Variants in CLCA2 observed in about 807,000 individuals in gnomAD.
CLCA2 encodes the protein calcium-activated chloride channel regulator 2.
CLCA2 carries 85 observed loss-of-function variants against 82.9 expected under a neutral mutation model. The ratio of observed to expected loss-of-function variants is 1.03; its 90% CI spans 0.86 to 1.23. The LOEUF is 1.23. Among genes scored for constraint, CLCA2 ranks in the 50% most tolerant of loss-of-function variants. The pLI is 0.00. For missense variants in CLCA2, 1,089 were observed against 1,124.8 expected (o/e 0.97, Z 0.45); for synonymous variants, 421 against 391.7 (o/e 1.07, Z -0.88).
intron 10 of CLCA2, 61 bp from the exon 11 acceptor site, chr1:86,447,447 C>T: frequency 6.5e-7 from 1 of 1,548,072 alleles, no homozygotes; most frequent in South Asian, 1.2e-5. Flanking sequence ...TTGATGTATG[C>T]TTTAAAATTA....
rs147947036 is a variant in CLCA2, at chr1:86,430,908, C to T, written c.522C>T (p.Phe174=). Residue 174 remains phenylalanine, a synonymous_variant, in exon 4 of 14, where the codon TTC becomes TTT. Transcript: ENST00000370565. The part of the protein sequence containing the change: ...HEWAHLRWGV[F]DEYNNDKPFY... ...GGGCCCACCTCCGTTGGGGTGTGTT[C>T]GATGAGTATAACAATGACAAACCTT... 1.2e-4 allele frequency: 189 copies of T among 1,613,492 alleles called. 1 individual carries two copies. The African/African-American group carries it at 1.8e-3, about 16-fold the overall frequency.
chr1:86,431,241 C>A (rs1662492414), intron 4 of CLCA2, among the ~76,000 whole-genome samples: 1 of 152,224 alleles, frequency 6.6e-6, no homozygotes, highest in South Asian at 2.1e-4. Flanking sequence ...TGTTTCCCCT[C>A]ATGCCCTCTA....
At chr1:86,452,409 C>T (rs1477944290) in intron 12 of CLCA2, among the ~76,000 whole-genome samples, 1 of 152,100 alleles carries the variant, frequency 6.6e-6, no homozygotes, top group Non-Finnish European at 1.5e-5. Context: ...ATTCATTCTA[C>T]ACCAAGCAGC....
At chr1:86,434,216 G>A (rs1294649050) in intron 5 of CLCA2, among the ~76,000 whole-genome samples, 2 of 151,810 alleles carry the variant, frequency 1.3e-5, no homozygotes, top group Non-Finnish European at 2.9e-5. Context: ...AGATTGTTTT[G>A]TTTTGTTTTT....
At chr1:86,448,587 C>A (rs1472727340) in intron 11 of CLCA2, 1 of 151,956 alleles carries the variant, frequency 6.6e-6, no homozygotes, top group African/African-American at 2.4e-5. Context: ...CTCTTGGCAG[C>A]CCGAAGTGTT....
chr1:86,454,228 A>G (rs1663028529), intron 13 of CLCA2, among the ~76,000 whole-genome samples: 1 of 152,054 alleles, frequency 6.6e-6, no homozygotes, highest in African/African-American at 2.4e-5. Flanking sequence ...CAGAAATTGT[A>G]TTTTTCCCCC....
In CLCA2 at chr1:86,428,565, C is replaced by T. The variant is rs771247332; in HGVS notation, c.472C>T (p.Arg158Ter). The T allele has an allele frequency of 8.7e-6, 14 of 1,612,602 alleles. No individual in the cohort carries two copies. The highest frequency in any genetic ancestry group is 4.0e-5 in the African/African-American group (3 of 74,962). The change falls in exon 3 of 14, where the codon CGA becomes TGA. Residue 158 changes from arginine to a stop codon, truncating the protein, a stop_gained. Coordinates refer to ENST00000370565, the MANE Select transcript of CLCA2 (RefSeq NM_006536.7). LOFTEE classifies it high-confidence loss of function. ...TAACTTAACAGCTGGCTACGGATCA[C>T]GAGGTAAGTGGGACCAATAAAACAA... ...NDNLTAGYGS[R>*]GRVFVHEWAH...
At position 86,453,599 on chromosome 1, in the gene CLCA2, C is replaced by A; in HGVS notation, c.2386C>A (p.Gln796Lys). ...ACCTGGAGAAGACTTTGATCAGGGC[C>A]AGGGTAGGTTTGCTCATTTCATTAC... ...TAPGEDFDQG[Q>K]ATSYEIRMSK... The change falls in exon 13 of 14, where the codon CAG becomes AAG. Residue 796 changes from glutamine (Q) to lysine (K), a missense_variant. Transcript: ENST00000370565. The A allele has an allele frequency of 6.2e-7, 1 of 1,613,206 alleles. No homozygotes were observed. The highest frequency in any genetic ancestry group is 8.5e-7 in the Non-Finnish European group (1 of 1,179,522).
At chr1:86,450,802 T>C (rs1224459358) in intron 12 of CLCA2, 69 bp downstream of exon 12, 8 of 1,330,474 alleles carry the variant, frequency 6.0e-6, no homozygotes, top group Non-Finnish European at 8.0e-6. Context: ...GGTATGTGTG[T>C]ACTGGGGTGG....
At chr1:86,431,492 G>T (rs78473412) in intron 4 of CLCA2, among the ~76,000 whole-genome samples, 1 of 152,038 alleles carries the variant, frequency 6.6e-6, no homozygotes, top group East Asian at 1.9e-4. Context: ...TTTCTCATAC[G>T]TGCAGACAGA....
rs1662521910 is a variant in CLCA2, at chr1:86,432,502, A to G, written c.718A>G (p.Ile240Val). 1.9e-6 allele frequency: 3 copies of G among 1,613,836 alleles called. No homozygotes were observed. Among genetic ancestry groups the G allele is most frequent in the African/African-American group, 1.3e-5 (1 of 74,918 alleles). The change falls in exon 5 of 14, where the codon ATA becomes GTA. Residue 240 changes from isoleucine to valine, a missense_variant. Physicochemically the swap from Ile to Val is conservative, Grantham distance 29 (BLOSUM62 3). Coordinates refer to ENST00000370565, the MANE Select transcript of CLCA2 (RefSeq NM_006536.7). The part of the protein sequence containing the change: ...YNSTQNATAS[I>V]MFMQSLSSVV... ...TAGCACCCAAAATGCAACTGCATCAATAATGTTCATGCAAAGTTTATCTTC... is the reference window on the plus strand; with the variant it reads ...TAGCACCCAAAATGCAACTGCATCAGTAATGTTCATGCAAAGTTTATCTTC...
At chr1:86,439,186 G>T in intron 7 of CLCA2, 80 bp downstream of exon 7, 1 of 1,327,452 alleles carries the variant, frequency 7.5e-7, no homozygotes, top group South Asian at 1.3e-5. Flanking sequence ...CTCTGATGAT[G>T]GGCAGTTTGT....
chr1:86,454,230 T>G (rs114105812), intron 13 of CLCA2, among the ~76,000 whole-genome samples: 110 of 152,292 alleles, frequency 7.2e-4, no homozygotes, highest in African/African-American at 2.6e-3. Flanking sequence ...GAAATTGTAT[T>G]TTTCCCCCAT....
At position 86,441,998 on chromosome 1, in the gene CLCA2, C is replaced by T. The variant is rs1236061862; in HGVS notation, c.1488+455C>T. ...AATATCTAAATATCTCTTTGACTAC[C>T]ACAACTTACATGATTTTGCTCACCA... On this transcript the variant is annotated intron_variant, in intron 9 of 13. Coordinates refer to ENST00000370565, the MANE Select transcript of CLCA2 (RefSeq NM_006536.7). Among the ~76,000 whole-genome samples, 3 of 152,308 alleles carry T rather than the reference C, an allele frequency of 2.0e-5. No individual in the cohort carries two copies. In the South Asian group the frequency reaches 6.2e-4, roughly 32 times the overall value.
At position 86,438,957 on chromosome 1, in the gene CLCA2, G is replaced by A. The variant is rs757207185; in HGVS notation, c.1054G>A (p.Ala352Thr). 1.8e-5 allele frequency: 29 copies of A among 1,613,958 alleles called. No homozygotes were observed. The highest frequency in any genetic ancestry group is 2.3e-5 in the Non-Finnish European group (27 of 1,179,996). Residue 352 changes from alanine to threonine, a missense_variant, in exon 7 of 14, where the codon GCC (alanine) becomes ACC (threonine). Ala to Thr is a moderately conservative substitution (Grantham distance 58). Transcript: ENST00000370565. Reference protein sequence around the residue: ...IVEIHTFVGIASFDSKGEIRA... With the variant: ...IVEIHTFVGITSFDSKGEIRA... ...TGAAATTCATACCTTCGTGGGCATTGCCAGTTTCGACAGCAAAGGAGAGAT... is the reference window on the plus strand; with the variant it reads ...TGAAATTCATACCTTCGTGGGCATTACCAGTTTCGACAGCAAAGGAGAGAT...
At chr1:86,427,861 T>C (rs1055279030) in intron 2 of CLCA2, among the ~76,000 whole-genome samples, 2 of 152,148 alleles carry the variant, frequency 1.3e-5, no homozygotes, top group Admixed American at 6.6e-5. Flanking sequence ...TATAACTTCA[T>C]TGGAATGATC....
chr1:86,454,888 CA>C (rs71078660), intron 13 of CLCA2, among the ~76,000 whole-genome samples, 196 bp from the exon 14 acceptor site: 29,061 of 141,846 alleles, frequency 0.2, 3,029 homozygotes, highest in African/African-American at 0.28. Flanking sequence ...TCTTGCTTTT[CA>C]AAAAAAAAAA....
At position 86,438,983 on chromosome 1, in the gene CLCA2, C is replaced by T. The variant is rs771382968; in HGVS notation, c.1080C>T (p.Ile360=). 2.6e-4 allele frequency: 418 copies of T among 1,613,984 alleles called. 5 individuals carry two copies. The highest frequency in any genetic ancestry group is 5.4e-5 in the Non-Finnish European group (64 of 1,180,004). ...GIASFDSKGE[I]RAQLHQINSN... is the part of the protein sequence containing the mutation. ...CCAGTTTCGACAGCAAAGGAGAGAT[C>T]AGAGCCCAGCTACACCAAATTAACA... Residue 360 remains isoleucine, a synonymous_variant, in exon 7 of 14, where the codon ATC becomes ATT. Coordinates refer to ENST00000370565, the MANE Select transcript of CLCA2 (RefSeq NM_006536.7).
At chr1:86,432,614 T>C (rs1662523721) in intron 5 of CLCA2, 86 bp downstream of exon 5, 4 of 1,467,844 alleles carry the variant, frequency 2.7e-6, no homozygotes, top group Non-Finnish European at 2.8e-6. Context: ...ATAATTAAGA[T>C]GCACTATACT....
Sources: allele counts gnomAD v4.1 joint callset (sites outside exome capture counted in the v4.1 genomes callset), GRCh38; gene constraint gnomAD v4.1.1; transcripts MANE v1.5; gene names NCBI Gene and HGNC (gene_info 2026-07-23, HGNC 2026-07-21).